Variants in EPG5 observed in about 807,000 individuals in gnomAD.
EPG5 encodes ectopic P granules protein 5 homolog.
A neutral mutation model predicts 302.7 loss-of-function variants in EPG5; 159 were observed. That is an observed-to-expected ratio of 0.53 (90% CI 0.46 to 0.60). The LOEUF is 0.60. Among genes scored for constraint, EPG5 ranks in the 20% least tolerant of loss-of-function variants. EPG5 has a pLI of 0.00. For missense variants in EPG5, 2,896 were observed against 3,092.4 expected (o/e 0.94, Z 1.51); for synonymous variants, 1,158 against 1,136.8 (o/e 1.02, Z -0.37).
chr18:45,954,829 C>T lies in EPG5; in HGVS notation c.573G>A (p.Val191=). 2.5e-6 allele frequency: 4 copies of T among 1,614,192 alleles called. No homozygotes were observed. Among genetic ancestry groups the T allele is most frequent in the Non-Finnish European group, 2.5e-6 (3 of 1,180,024 alleles). Residue 191 remains valine (V), a synonymous_variant, in exon 2 of 44, where the codon GTG becomes GTA. Transcript: ENST00000282041. ...DKQGLVCSSE[V]PQNVGLQSSC... Reference sequence around the variant, plus strand: ...AACTCTGCAAGCCAACATTCTGTGGCACCTCTGAAGAACAAACCAGGCCTT... The same window carrying T: ...AACTCTGCAAGCCAACATTCTGTGGTACCTCTGAAGAACAAACCAGGCCTT...
At chr18:45,898,583 C>T (rs1021878623) in intron 27 of EPG5, among the ~76,000 whole-genome samples, 3 of 152,308 alleles carry the variant, frequency 2.0e-5, no homozygotes, top group African/African-American at 7.2e-5. Context: ...CTCTCCTCTG[C>T]CTGTCAGCAA....
Position 45,904,230 on chromosome 18 carries a change from T to TC in EPG5, c.4330-114dup, listed in dbSNP as rs1373521407. On this transcript the variant is annotated intron_variant, in intron 24 of 43. Transcript: ENST00000282041. ...TAAGTTTCAACACGAAGTGGTCTAC[T>TC]CCAAGTCCTCCACCATTAGGATAAA... The TC allele has an allele frequency of 2.6e-5, 30 of 1,141,694 alleles. No individual in the cohort carries two copies. The African/African-American group carries it at 4.6e-4, about 17-fold the overall frequency. 70.7% of individuals were successfully genotyped at this position (1,141,694 alleles called of 1,614,324 possible).
Position 45,915,507 on chromosome 18 carries a change from C to T in EPG5, c.3693+4G>A. ...ACAAATGATCCTCTCAGTGAGTTTC[C>T]TACCTGAGTGGGCGTGGCCAAGCCC... On this transcript the variant is annotated splice_donor_region_variant and intron_variant, in intron 20 of 43. Transcript: ENST00000282041. 3.1e-6 allele frequency: 5 copies of T among 1,603,546 alleles called. No individual in the cohort carries two copies. The highest frequency in any genetic ancestry group is 4.3e-6 in the Non-Finnish European group (5 of 1,170,792).
At chr18:45,903,892 G>T in intron 25 of EPG5, 81 bp downstream of exon 25, 2 of 1,380,986 alleles carry the variant, frequency 1.4e-6, no homozygotes, top group Non-Finnish European at 1.9e-6. Flanking sequence ...GGGGAATAAA[G>T]TATGTCAGCC....
chr18:45,922,479 T>A lies in EPG5; in HGVS notation c.2960A>T (p.Asn987Ile). 1 of 1,614,204 alleles carries A rather than the reference T, an allele frequency of 6.2e-7. No homozygotes were observed. Among genetic ancestry groups the A allele is most frequent in the Non-Finnish European group, 8.5e-7 (1 of 1,180,046 alleles). Residue 987 changes from asparagine (N) to isoleucine (I), a missense_variant, in exon 16 of 44, where the codon AAT becomes ATT. By Grantham distance (149) the Asn-to-Ile change is moderately radical. Coordinates refer to ENST00000282041, the MANE Select transcript of EPG5 (RefSeq NM_020964.3). ...GACGGAGAAGGGAACAGCTGGACAA[T>A]TCGGCTGTATTCCATAATCGTTTTT... ...LHKNDYGIQP[N>I]CPAVPFSVTV...
chr18:45,832,253 C>T, the EPG5 span, among the ~76,000 whole-genome samples: 2 of 152,088 alleles, frequency 1.3e-5, no homozygotes, highest in Admixed American at 6.6e-5. Context: ...CCCTGAGACC[C>T]GGGATATTAT....
At chr18:45,911,372 G>A (rs1052157568) in intron 22 of EPG5, among the ~76,000 whole-genome samples, 3 of 150,140 alleles carry the variant, frequency 2.0e-5, no homozygotes, top group African/African-American at 7.4e-5. Context: ...TGCAAGCTCC[G>A]CCTCCTGGGT....
At chr18:45,883,839 T>C (rs2049159744) in intron 30 of EPG5, among the ~76,000 whole-genome samples, 1 of 150,524 alleles carries the variant, frequency 6.6e-6, no homozygotes, top group East Asian at 1.9e-4. Flanking sequence ...AATTCTCAAC[T>C]GCTTAAGTAA....
chr18:45,832,157 C>T, the EPG5 span, among the ~76,000 whole-genome samples: 4 of 152,236 alleles, frequency 2.6e-5, no homozygotes, highest in Non-Finnish European at 5.9e-5. Flanking sequence ...GTGTGAGGCA[C>T]TGTGTTCAGT....
intron 16 of EPG5, among the ~76,000 whole-genome samples, chr18:45,920,631 G>A (rs2050133893): frequency 6.6e-6 from 1 of 152,194 alleles, no homozygotes; most frequent in East Asian, 1.9e-4. Flanking sequence ...AGGAGGCGGG[G>A]TGCCAGGCTC....
downstream of EPG5, chr18:45,843,805 G>C (rs890467629): frequency 3.9e-5 from 6 of 152,322 alleles, no homozygotes; most frequent in African/African-American, 1.2e-4. Flanking sequence ...CTTGAACCCA[G>C]GAGGCAGAGG....
At chr18:45,894,975 G>C (rs1310209309) in intron 27 of EPG5, among the ~76,000 whole-genome samples, 1 of 152,170 alleles carries the variant, frequency 6.6e-6, no homozygotes, top group Non-Finnish European at 1.5e-5. Context: ...GGCAGGGAGA[G>C]AGATATGGAC....
At chr18:45,900,820 T>G (rs2049596880) in intron 26 of EPG5, among the ~76,000 whole-genome samples, 176 bp downstream of exon 26, 1 of 152,176 alleles carries the variant, frequency 6.6e-6, no homozygotes, top group Admixed American at 6.5e-5. Flanking sequence ...ATAATTTCGA[T>G]GTGAAATTAT....
the EPG5 span, among the ~76,000 whole-genome samples, chr18:45,811,609 A>G: frequency 1.6e-4 from 24 of 152,262 alleles, no homozygotes; most frequent in Admixed American, 1.3e-3. Flanking sequence ...AGGCTGGTTC[A>G]GCATACGCAA....
the EPG5 span, chr18:45,839,077 G>C: frequency 2.8e-6 from 4 of 1,433,496 alleles, no homozygotes; most frequent in Non-Finnish European, 2.7e-6. Flanking sequence ...GGCCGCCCGC[G>C]CTGCCCGCCG....
intron 36 of EPG5, among the ~76,000 whole-genome samples, chr18:45,869,331 G>A (rs2048821228): frequency 6.6e-6 from 1 of 151,986 alleles, no homozygotes; most frequent in African/African-American, 2.4e-5. Context: ...ATTCTTCATT[G>A]TCCATTATAA....
chr18:45,902,103 G>A (rs756099657), intron 25 of EPG5, among the ~76,000 whole-genome samples: 1 of 152,036 alleles, frequency 6.6e-6, no homozygotes, highest in Non-Finnish European at 1.5e-5. Context: ...AGTACTTAAG[G>A]GACTACAGTG....
At chr18:45,871,323 T>C (rs2048867518) in intron 35 of EPG5, among the ~76,000 whole-genome samples, 1 of 152,160 alleles carries the variant, frequency 6.6e-6, no homozygotes, top group African/African-American at 2.4e-5. Context: ...TCTTAAACAC[T>C]GTTGGGGGGA....
chr18:45,808,278 G>A, the EPG5 span, among the ~76,000 whole-genome samples: 1 of 152,164 alleles, frequency 6.6e-6, no homozygotes, highest in South Asian at 2.1e-4. Flanking sequence ...AGGAAGAACA[G>A]ACATTTGAAA....
Sources: gnomAD v4.1 joint callset for allele counts (sites outside exome capture counted in the v4.1 genomes callset) on GRCh38, gnomAD v4.1.1 for gene constraint, MANE v1.5 for transcripts, NCBI Gene and HGNC (gene_info 2026-07-23, HGNC 2026-07-21) for gene names.